The following DIAPH2 variants were observed in gnomAD, a reference collection of about 807,000 sequenced individuals.
The protein encoded by DIAPH2 is protein diaphanous homolog 2.
In DIAPH2, 35 loss-of-function variants were observed where a neutral mutation model predicts 92.7. That is an observed-to-expected ratio of 0.38 (90% CI 0.29 to 0.50). The LOEUF (loss-of-function observed/expected upper bound fraction) is 0.50, where lower values mean the gene tolerates loss of function less well. DIAPH2 is among the 20% of genes least tolerant of loss of function. The pLI, the probability that DIAPH2 is intolerant of heterozygous loss-of-function variation, is 0.94. For synonymous variants in DIAPH2, 301 were observed against 280.4 expected, an observed-to-expected ratio of 1.07 and a Z score of -0.73; for missense variants, 701 against 819.5, an observed-to-expected ratio of 0.86 and a Z score of 1.77.
At chrX:97,419,007 T>C (rs1396224059) in intron 25 of DIAPH2, among the ~76,000 whole-genome samples, 3 of 111,616 alleles carry the variant, frequency 2.7e-5, no homozygotes, top group African/African-American at 9.8e-5. Context: ...TGAGGCCTTG[T>C]TTTACTGATG....
At chrX:96,921,396 G>A (rs947709532) in intron 9 of DIAPH2, among the ~76,000 whole-genome samples, 1 of 111,615 alleles carries the variant, frequency 9.0e-6, no homozygotes, top group Non-Finnish European at 1.9e-5. Flanking sequence ...GCAAAGCACA[G>A]ATTATACACC....
chrX:97,598,922 T>C (rs914987360), intron 26 of DIAPH2, among the ~76,000 whole-genome samples: 1 of 112,366 alleles, frequency 8.9e-6, no homozygotes, highest in Admixed American at 9.4e-5. Context: ...GTGCTGTATA[T>C]AGATCTTTTC....
At chrX:97,524,493 A>G (rs2071011686) in intron 26 of DIAPH2, among the ~76,000 whole-genome samples, 2 of 112,231 alleles carry the variant, frequency 1.8e-5, no homozygotes, top group Non-Finnish European at 3.8e-5. Flanking sequence ...ATTGACATAC[A>G]TTCATTCAGT....
At chrX:96,957,789 A>T (rs993237718) in intron 15 of DIAPH2, 39 bp from the exon 16 acceptor site, 1 of 987,161 alleles carries the variant, frequency 1.0e-6, no homozygotes, top group Admixed American at 2.6e-5. Context: ...TTTCAATTAT[A>T]TTTTATAAGC....
At chrX:97,491,562 C>T (rs1370959614) in intron 26 of DIAPH2, among the ~76,000 whole-genome samples, 1 of 110,665 alleles carries the variant, frequency 9.0e-6, no homozygotes, top group African/African-American at 3.3e-5. Context: ...AGGCGTGCAC[C>T]ACCACACCCG....
rs570252305 is a variant in DIAPH2 at position 97,183,037 on chromosome X, G to C, written c.2719+41243G>C. ...TTAAATATAGAAATAAGAGTTATCAGAGAAGCTGGGTGGGGTATTTATGCC... is the reference window on the plus strand; with the variant it reads ...TTAAATATAGAAATAAGAGTTATCACAGAAGCTGGGTGGGGTATTTATGCC... On this transcript the variant is annotated intron_variant, in intron 22 of 26. Transcript: ENST00000324765. Among the ~76,000 whole-genome samples, 28 of 111,978 alleles carry C rather than the reference G, an allele frequency of 2.5e-4. 1 individual carries two copies. In the South Asian group the frequency reaches 0.011, roughly 42 times the overall value.
At chrX:96,779,963 G>A (rs933619129) in intron 4 of DIAPH2, among the ~76,000 whole-genome samples, 9 of 111,776 alleles carry the variant, frequency 8.1e-5, no homozygotes, top group Non-Finnish European at 1.3e-4. Flanking sequence ...CTCAAAATTA[G>A]TAACTTGTAA....
At chrX:97,329,791 G>C (rs1279184876) in intron 23 of DIAPH2, among the ~76,000 whole-genome samples, 1 of 108,977 alleles carries the variant, frequency 9.2e-6, no homozygotes, top group African/African-American at 3.3e-5. Context: ...ACACTTAGAA[G>C]CCTTTGCTCG....
At chrX:97,403,192 T>C (rs2069774913) in intron 25 of DIAPH2, among the ~76,000 whole-genome samples, 1 of 112,130 alleles carries the variant, frequency 8.9e-6, no homozygotes, top group Non-Finnish European at 1.9e-5. Flanking sequence ...TGGAATAAAA[T>C]GAATGTTTTG....
In DIAPH2 at chrX:97,117,859, T is replaced by C. The variant is rs191964189; in HGVS notation, c.2589+2894T>C. Among the ~76,000 whole-genome samples, 313 of 111,988 alleles carry C rather than the reference T, an allele frequency of 2.8e-3. 1 individual carries two copies. The highest frequency in any genetic ancestry group is 4.3e-3 in the Non-Finnish European group (229 of 53,161). On this transcript the variant is annotated intron_variant, in intron 21 of 26. Coordinates refer to ENST00000324765, the MANE Select transcript of DIAPH2 (RefSeq NM_006729.5). ...ACCAAACCAGTGTGCTGAACTGTAA[T>C]AAAAATCATTTCAATGAAGATGAGC...
At chrX:97,259,322 G>A (rs901124764) in intron 23 of DIAPH2, among the ~76,000 whole-genome samples, 9 of 110,673 alleles carry the variant, frequency 8.1e-5, no homozygotes, top group African/African-American at 2.9e-4. Context: ...ATGGGACTCC[G>A]TCTCAAAAAA....
At chrX:97,284,503 G>A (rs1001902055) in intron 23 of DIAPH2, among the ~76,000 whole-genome samples, 2 of 109,451 alleles carry the variant, frequency 1.8e-5, no homozygotes, top group Non-Finnish European at 3.8e-5. Context: ...CCAGCTACTC[G>A]GGAGGCTAAG....
At chrX:97,268,856 CTTTTTT>C (rs747116851) in intron 23 of DIAPH2, among the ~76,000 whole-genome samples, 1 of 86,942 alleles carries the variant, frequency 1.2e-5, no homozygotes, top group African/African-American at 4.5e-5. Flanking sequence ...TCTTTTCTTT[CTTTTTT>C]TTTTTTTTTT....
At position 97,471,690 on chromosome X, in the gene DIAPH2, CAAAAAAAAAAAA is replaced by C. The variant is rs34891772; in HGVS notation, c.3241+41956_3241+41967del. 3.6e-3 allele frequency among the ~76,000 whole-genome samples: 160 copies of C among 44,950 alleles called. No homozygotes were observed. The East Asian group carries it at 0.088, about 25-fold the overall frequency. 39.0% of individuals were successfully genotyped at this position (44,950 alleles called of 115,157 possible). A position where few individuals can be genotyped will look rare whatever the true frequency, so the allele number is the denominator to read the frequency against. On this transcript the variant is annotated intron_variant, in intron 26 of 26. Transcript: ENST00000324765. ...GGGCAACGAGAGTGAAAATCCGTCTCAAAAAAAAAAAAAAAAAAAAAAGGAAAGAAAAACACA... is the reference window on the plus strand; with the variant it reads ...GGGCAACGAGAGTGAAAATCCGTCTCAAAAAAAAAAGGAAAGAAAAACACA...
At chrX:97,196,432 A>G (rs1433634986) in intron 22 of DIAPH2, among the ~76,000 whole-genome samples, 1 of 112,333 alleles carries the variant, frequency 8.9e-6, no homozygotes, top group African/African-American at 3.2e-5. Flanking sequence ...TGCTAACAGA[A>G]ATTTGTTGAT....
At chrX:97,365,331 A>C (rs1181494795) in intron 24 of DIAPH2, among the ~76,000 whole-genome samples, 1 of 111,241 alleles carries the variant, frequency 9.0e-6, no homozygotes, top group Non-Finnish European at 1.9e-5. Context: ...TAGTCTTAGC[A>C]CTCTCTAAAC....
chrX:96,970,773 C>A (rs2065923146), intron 17 of DIAPH2, among the ~76,000 whole-genome samples: 1 of 111,086 alleles, frequency 9.0e-6, no homozygotes, highest in African/African-American at 3.3e-5. Flanking sequence ...ATTTCCTATG[C>A]TAGCTTTTGC....
intron 5 of DIAPH2, among the ~76,000 whole-genome samples, chrX:96,907,764 T>A (rs1282669201): frequency 1.8e-5 from 2 of 112,061 alleles, no homozygotes; most frequent in Non-Finnish European, 3.8e-5. Flanking sequence ...AAGACCCAGC[T>A]GTTCCACTCC....
At chrX:96,742,295 C>T (rs970572505) in intron 3 of DIAPH2, among the ~76,000 whole-genome samples, 23 of 111,921 alleles carry the variant, frequency 2.1e-4, no homozygotes, top group African/African-American at 7.2e-4. Context: ...CCACTGATAC[C>T]ACACTAGTTG....
Sources: allele counts gnomAD v4.1 joint callset (sites outside exome capture counted in the v4.1 genomes callset), GRCh38; gene constraint gnomAD v4.1.1; transcripts MANE v1.5; gene names NCBI Gene and HGNC (gene_info 2026-07-23, HGNC 2026-07-21).